The following MCCC1 variants were observed in gnomAD, a reference collection of about 807,000 sequenced individuals.
MCCC1 encodes methylcrotonoyl-CoA carboxylase subunit alpha, mitochondrial.
MCCC1 carries 64 observed loss-of-function variants against 83.8 expected under a neutral mutation model. That is an observed-to-expected ratio of 0.76 (90% CI 0.62 to 0.94). The LOEUF (loss-of-function observed/expected upper bound fraction) is 0.94, where lower values mean the gene tolerates loss of function less well. Among genes scored for constraint, MCCC1 ranks in the 40% least tolerant of loss-of-function variants. The pLI is 0.00. For missense variants in MCCC1, 807 were observed against 904.7 expected (o/e 0.89, Z 1.39); for synonymous variants, 322 against 315.4 (o/e 1.02, Z -0.22).
At chr3:183,084,406 G>A (rs1407934828) in intron 4 of MCCC1, among the ~76,000 whole-genome samples, 1 of 152,116 alleles carries the variant, frequency 6.6e-6, no homozygotes, top group Non-Finnish European at 1.5e-5. Context: ...TAAAGGGCCT[G>A]AACTCCTAAG....
Position 183,097,305 on chromosome 3 carries a change from C to G in MCCC1, c.89+2047G>C, listed in dbSNP as rs915723949. Among the ~76,000 whole-genome samples, 3 of 151,622 alleles carry G rather than the reference C, an allele frequency of 2.0e-5. No homozygotes were observed. In the South Asian group the frequency reaches 6.2e-4, roughly 31 times the overall value. ...AGGTAGCTCTATACCAGCTTATTGTCATGTCTATAATTCTGCCACCAGAGA... is the reference window on the plus strand; with the variant it reads ...AGGTAGCTCTATACCAGCTTATTGTGATGTCTATAATTCTGCCACCAGAGA... On this transcript the variant is annotated intron_variant, in intron 1 of 18. Transcript: ENST00000265594.
At chr3:183,051,556 G>T (rs1448930411) in intron 9 of MCCC1, among the ~76,000 whole-genome samples, 4 of 152,064 alleles carry the variant, frequency 2.6e-5, no homozygotes, top group Non-Finnish European at 4.4e-5. Flanking sequence ...GATATTTAGG[G>T]CACTGAAACT....
chr3:183,088,710 G>C (rs189971416), intron 3 of MCCC1, among the ~76,000 whole-genome samples: 212 of 152,204 alleles, frequency 1.4e-3, no homozygotes, highest in African/African-American at 4.8e-3. Context: ...AACACATGCA[G>C]TTTTAGTTCT....
rs1577302063 is a variant in MCCC1 at position 183,055,130 on chromosome 3, G to A, written c.873+2181C>T. ...AAAAAGGATAAAAAGCTGGCCGGGTGCGGTGGCTCAAGCCTGTACTCCCAG... is the reference window on the plus strand; with the variant it reads ...AAAAAGGATAAAAAGCTGGCCGGGTACGGTGGCTCAAGCCTGTACTCCCAG... On this transcript the variant is annotated intron_variant, in intron 8 of 18. Coordinates refer to ENST00000265594, the MANE Select transcript of MCCC1 (RefSeq NM_020166.5). Among the ~76,000 whole-genome samples, 5 of 152,242 alleles carry A rather than the reference G, an allele frequency of 3.3e-5. No homozygotes were observed. The East Asian group carries it at 9.7e-4, about 29-fold the overall frequency.
intron 4 of MCCC1, among the ~76,000 whole-genome samples, chr3:183,085,209 T>G (rs965216363): frequency 1.3e-5 from 2 of 152,156 alleles, no homozygotes; most frequent in Non-Finnish European, 2.9e-5. Flanking sequence ...TTGCCTTCTT[T>G]CAATGTTGTT....
At chr3:183,104,029 G>A (rs1226532177), upstream of MCCC1, among the ~76,000 whole-genome samples, 1 of 152,136 alleles carries the variant, frequency 6.6e-6, no homozygotes, top group Non-Finnish European at 1.5e-5. Flanking sequence ...AGGGCCGGCC[G>A]GCTACTCCGA....
At chr3:183,092,878 T>C (rs969750612) in intron 2 of MCCC1, among the ~76,000 whole-genome samples, 1 of 152,066 alleles carries the variant, frequency 6.6e-6, no homozygotes, top group Non-Finnish European at 1.5e-5. Flanking sequence ...TACTCTTTTA[T>C]GTATTTATTT....
chr3:183,052,011 TA>T, intron 9 of MCCC1, 147 bp downstream of exon 9: 1 of 707,256 alleles, frequency 1.4e-6, no homozygotes, highest in South Asian at 1.6e-5. Context: ...GTGTACATAC[TA>T]AGTCTCAATA....
chr3:183,040,797 C>T (rs756499754), intron 11 of MCCC1, among the ~76,000 whole-genome samples: 11 of 152,040 alleles, frequency 7.2e-5, no homozygotes, highest in Non-Finnish European at 1.3e-4. Flanking sequence ...GACCTCTTAC[C>T]CCTGAGAATT....
chr3:183,018,945 G>T (rs111582397), intron 17 of MCCC1, among the ~76,000 whole-genome samples: 11 of 152,226 alleles, frequency 7.2e-5, no homozygotes, highest in African/African-American at 2.6e-4. Flanking sequence ...GATCCTATAT[G>T]GTCTCACTTT....
At chr3:183,073,281 G>A (rs1409344861) in intron 4 of MCCC1, among the ~76,000 whole-genome samples, 8 of 152,148 alleles carry the variant, frequency 5.3e-5, no homozygotes, top group African/African-American at 1.9e-4. Context: ...ATGTCAAGAA[G>A]TAAAGGGCTT....
chr3:183,092,249 T>C, intron 3 of MCCC1, 160 bp downstream of exon 3: 5 of 800,400 alleles, frequency 6.2e-6, no homozygotes, highest in Non-Finnish European at 1.0e-5. Flanking sequence ...ACTGATGTTA[T>C]ATCTGAAAAA....
chr3:183,054,576 A>G (rs1234896537), intron 8 of MCCC1, among the ~76,000 whole-genome samples: 1 of 152,204 alleles, frequency 6.6e-6, no homozygotes, highest in Admixed American at 6.5e-5. Flanking sequence ...ACAAAATTTA[A>G]AAGTTTATAA....
rs560889233 is a variant in MCCC1 at position 183,015,292 on chromosome 3, A to G, written c.*146T>C. On this transcript the variant is annotated 3_prime_UTR_variant, in exon 19 of 19. Coordinates refer to ENST00000265594, the MANE Select transcript of MCCC1 (RefSeq NM_020166.5). ...AGATAATTAGTGACCCAAATGCATG[A>G]TTCTCCAATATGAAAGGTGTTCAGC... 1.6e-5 allele frequency: 13 copies of G among 823,332 alleles called. No individual in the cohort carries two copies. In the South Asian group the frequency reaches 1.7e-4, roughly 11 times the overall value. 51.0% of individuals were successfully genotyped at this position (823,332 alleles called of 1,614,324 possible).
chr3:183,022,893 T>C (rs1380032770), intron 15 of MCCC1, among the ~76,000 whole-genome samples: 1 of 152,202 alleles, frequency 6.6e-6, no homozygotes, highest in African/African-American at 2.4e-5. Flanking sequence ...TTATTAAAAT[T>C]CATTTGCATA....
intron 13 of MCCC1, among the ~76,000 whole-genome samples, chr3:183,035,343 G>A (rs1360280084): frequency 1.3e-5 from 2 of 152,036 alleles, no homozygotes; most frequent in African/African-American, 2.4e-5. Context: ...TGCAGTTTTC[G>A]GGACTTAAAA....
intron 9 of MCCC1, among the ~76,000 whole-genome samples, chr3:183,045,821 T>G (rs779395826): frequency 4.6e-5 from 7 of 152,096 alleles, no homozygotes; most frequent in Non-Finnish European, 8.8e-5. Flanking sequence ...AGAACAAGGG[T>G]GGACCACATG....
At chr3:183,023,465 T>G (rs1274267803) in intron 15 of MCCC1, among the ~76,000 whole-genome samples, 1 of 152,218 alleles carries the variant, frequency 6.6e-6, no homozygotes, top group South Asian at 2.1e-4. Context: ...TGTTTAAAGA[T>G]TCACGAAAAC....
At chr3:183,041,159 T>C (rs1353134223) in intron 11 of MCCC1, among the ~76,000 whole-genome samples, 1 of 152,234 alleles carries the variant, frequency 6.6e-6, no homozygotes, top group Non-Finnish European at 1.5e-5. Flanking sequence ...TTCTTTACTT[T>C]AATTTTTTTA....
Sources: gnomAD v4.1 joint callset for allele counts (sites outside exome capture counted in the v4.1 genomes callset) on GRCh38, gnomAD v4.1.1 for gene constraint, MANE v1.5 for transcripts, NCBI Gene and HGNC (gene_info 2026-07-23, HGNC 2026-07-21) for gene names.